RABGAP1L: variants seen among roughly 807,000 people sequenced by gnomAD.
RABGAP1L encodes rab GTPase-activating protein 1-like.
RABGAP1L carries 63 observed loss-of-function variants against 137.7 expected under a neutral mutation model. The observed-to-expected ratio is 0.46, with a 90% CI of 0.37 to 0.56. RABGAP1L has a LOEUF of 0.56. Ranked by LOEUF, RABGAP1L falls within the 20% of genes least tolerant of loss-of-function variation. The probability of loss-of-function intolerance (pLI) is 0.00; values close to 1 mark genes in which losing one functional copy is unlikely to be tolerated. For missense variants in RABGAP1L, 1,095 were observed against 1,244.0 expected (o/e 0.88, Z 1.80); for synonymous variants, 431 against 433.7 (o/e 0.99, Z 0.08).
chr1:174,595,490 C>G lies in RABGAP1L; in HGVS notation c.1711-41885C>G, dbSNP rs1166922156. On this transcript the variant is annotated intron_variant, in intron 13 of 25. Transcript: ENST00000681986. ...TTTTTCCCCATCTTTGTGGTTTTAT[C>G]TACTTTTGGTCTTTGATGATGGTGA... Among the ~76,000 whole-genome samples, 92 of 34,394 alleles carry G rather than the reference C, an allele frequency of 2.7e-3. 2 individuals are homozygous for G. The highest frequency in any genetic ancestry group is 0.014 in the African/African-American group (85 of 5,922). The allele number at this position is 34,394 out of a possible 152,430, so 22.6% of individuals were successfully genotyped here. A position where few individuals can be genotyped will look rare whatever the true frequency, so the allele number is the denominator to read the frequency against.
intron 1 of RABGAP1L, among the ~76,000 whole-genome samples, chr1:174,164,821 C>T (rs78001752): frequency 0.061 from 9,228 of 152,260 alleles, 979 homozygotes; most frequent in African/African-American, 0.21. Context: ...ACAACAAATA[C>T]AACTAGTTTA....
chr1:174,744,100 A>AG (rs1342226692), intron 17 of RABGAP1L, among the ~76,000 whole-genome samples: 8 of 148,820 alleles, frequency 5.4e-5, no homozygotes, highest in Non-Finnish European at 1.2e-4. Context: ...TAAAAAAAAA[A>AG]AAAAAAAAAA....
At chr1:174,816,481 T>C (rs1053052262) in intron 19 of RABGAP1L, among the ~76,000 whole-genome samples, 1 of 152,078 alleles carries the variant, frequency 6.6e-6, no homozygotes, top group Admixed American at 6.5e-5. Flanking sequence ...CATATACACA[T>C]AATCTTTATA....
chr1:174,664,658 A>G (rs1676614019), intron 14 of RABGAP1L, among the ~76,000 whole-genome samples: 1 of 151,424 alleles, frequency 6.6e-6, no homozygotes, highest in African/African-American at 2.4e-5. Flanking sequence ...TTTCCCTACC[A>G]GAGTAAAACA....
intron 14 of RABGAP1L, among the ~76,000 whole-genome samples, chr1:174,660,195 G>A (rs1449374809): frequency 1.3e-5 from 2 of 152,192 alleles, no homozygotes; most frequent in South Asian, 2.1e-4. Context: ...GACAGAAATA[G>A]CAGTGGGGTA....
At chr1:174,246,631 A>G (rs923731109) in intron 5 of RABGAP1L, among the ~76,000 whole-genome samples, 4 of 152,218 alleles carry the variant, frequency 2.6e-5, no homozygotes, top group South Asian at 2.1e-4. Context: ...ATTAGGTATT[A>G]TAAGTAATTT....
intron 1 of RABGAP1L, among the ~76,000 whole-genome samples, chr1:174,178,021 G>A (rs1666034702): frequency 6.6e-6 from 1 of 152,212 alleles, no homozygotes; most frequent in Non-Finnish European, 1.5e-5. Flanking sequence ...TGCAAAGAAA[G>A]TCAATGGTAG....
intron 13 of RABGAP1L, among the ~76,000 whole-genome samples, chr1:174,532,193 GTTTTTTGTTTTTTGT>G (rs1022905796): frequency 6.6e-6 from 1 of 151,120 alleles, no homozygotes. Context: ...GATCACAGGA[GTTTTTTGTTTTTTGT>G]TTTTTTGTTT....
At chr1:174,546,334 G>C (rs1666007171) in intron 13 of RABGAP1L, among the ~76,000 whole-genome samples, 1 of 152,194 alleles carries the variant, frequency 6.6e-6, no homozygotes, top group African/African-American at 2.4e-5. Flanking sequence ...AGTACAGGTT[G>C]ATAGTAGTGT....
intron 14 of RABGAP1L, among the ~76,000 whole-genome samples, chr1:174,660,365 T>G (rs1676283477): frequency 6.6e-6 from 1 of 152,212 alleles, no homozygotes; most frequent in African/African-American, 2.4e-5. Flanking sequence ...CAAGGCATAT[T>G]CTTTTGCAAC....
chr1:174,322,103 A>G (rs1444746611), intron 11 of RABGAP1L, among the ~76,000 whole-genome samples: 4 of 152,098 alleles, frequency 2.6e-5, no homozygotes, highest in African/African-American at 9.7e-5. Flanking sequence ...TAATTTGGCA[A>G]TTCTTTTCCT....
intron 21 of RABGAP1L, among the ~76,000 whole-genome samples, chr1:174,972,195 ATTAGTACT>A (rs1670196430): frequency 6.6e-6 from 1 of 152,210 alleles, no homozygotes; most frequent in South Asian, 2.1e-4. Context: ...AAGAGACATG[ATTAGTACT>A]GTCCTGCTGA....
chr1:174,725,735 G>T (rs535720693), intron 17 of RABGAP1L, among the ~76,000 whole-genome samples: 2 of 152,196 alleles, frequency 1.3e-5, no homozygotes, highest in African/African-American at 4.8e-5. Flanking sequence ...CGTTTATACT[G>T]TAACAGTGTT....
chr1:174,880,682 TG>T (rs1654046027), intron 19 of RABGAP1L, among the ~76,000 whole-genome samples: 1 of 151,166 alleles, frequency 6.6e-6, no homozygotes, highest in African/African-American at 2.4e-5. Context: ...CTCAAAGTCC[TG>T]GGCTCAAGCA....
At chr1:174,892,146 G>A (rs904879167) in intron 19 of RABGAP1L, among the ~76,000 whole-genome samples, 3 of 152,320 alleles carry the variant, frequency 2.0e-5, no homozygotes, top group South Asian at 4.1e-4. Context: ...CAAGCATCTC[G>A]CGTGGTGGCT....
intron 6 of RABGAP1L, among the ~76,000 whole-genome samples, chr1:174,251,322 A>T (rs1291248123): frequency 2.6e-5 from 4 of 151,842 alleles, no homozygotes; most frequent in African/African-American, 9.7e-5. Context: ...TTTTAACAGT[A>T]ACTGATAATA....
intron 14 of RABGAP1L, among the ~76,000 whole-genome samples, chr1:174,640,580 C>G (rs574686573): frequency 3.3e-4 from 50 of 152,140 alleles, no homozygotes; most frequent in African/African-American, 1.2e-3. Flanking sequence ...AGAATAATAA[C>G]TAGCATTATA....
intron 4 of RABGAP1L, among the ~76,000 whole-genome samples, chr1:174,233,122 A>G (rs1414193076): frequency 1.3e-5 from 2 of 152,084 alleles, no homozygotes; most frequent in Non-Finnish European, 2.9e-5. Flanking sequence ...TTTCTTTTAT[A>G]AGGATACTAC....
chr1:174,377,888 A>T (rs1685702537), intron 12 of RABGAP1L, among the ~76,000 whole-genome samples: 1 of 127,002 alleles, frequency 7.9e-6, no homozygotes, highest in Non-Finnish European at 1.6e-5. Context: ...GCACCCACTA[A>T]CTCATCATCT....
Sources: allele counts gnomAD v4.1 joint callset (sites outside exome capture counted in the v4.1 genomes callset), GRCh38; gene constraint gnomAD v4.1.1; transcripts MANE v1.5; gene names NCBI Gene and HGNC (gene_info 2026-07-23, HGNC 2026-07-21).